Variants in ROBO2 observed in about 807,000 individuals in gnomAD.
ROBO2 encodes roundabout guidance receptor 2, also known as roundabout homolog 2.
A neutral mutation model predicts 160.8 loss-of-function variants in ROBO2; 53 were observed. That is an observed-to-expected ratio of 0.33 (90% CI 0.26 to 0.41). The LOEUF (loss-of-function observed/expected upper bound fraction) is 0.41. ROBO2 is among the 10% of genes least tolerant of loss of function. The pLI, the probability that ROBO2 is intolerant of heterozygous loss-of-function variation, is 1.00. For synonymous variants in ROBO2, 664 were observed against 611.7 expected, an observed-to-expected ratio of 1.09 and a Z score of -1.26; for missense variants, 1,577 against 1,722.4, an observed-to-expected ratio of 0.92 and a Z score of 1.49.
chr3:77,236,982 C>G (rs1376690448), intron 2 of ROBO2, among the ~76,000 whole-genome samples: 1 of 152,118 alleles, frequency 6.6e-6, no homozygotes, highest in Non-Finnish European at 1.5e-5. Flanking sequence ...CAAGCAATCC[C>G]CCAACTCCAG....
At chr3:77,318,756 A>C (rs2153429360) in intron 2 of ROBO2, among the ~76,000 whole-genome samples, 1 of 152,238 alleles carries the variant, frequency 6.6e-6, no homozygotes, top group African/African-American at 2.4e-5. Flanking sequence ...AGGATACAGT[A>C]ATTGCCCTGT....
intron 2 of ROBO2, among the ~76,000 whole-genome samples, chr3:76,236,425 T>G (rs1704947665): frequency 6.6e-6 from 1 of 152,082 alleles, no homozygotes; most frequent in Non-Finnish European, 1.5e-5. Flanking sequence ...ATCTTGAGGG[T>G]CAATTTTTAC....
intron 2 of ROBO2, among the ~76,000 whole-genome samples, chr3:76,059,628 T>G (rs1336420512): frequency 1.3e-5 from 2 of 152,216 alleles, no homozygotes; most frequent in African/African-American, 4.8e-5. Flanking sequence ...GTAGTTTCTT[T>G]TGCTGGGCAG....
chr3:76,745,113 A>T (rs181656095), intron 2 of ROBO2, among the ~76,000 whole-genome samples: 47 of 152,292 alleles, frequency 3.1e-4, no homozygotes, highest in African/African-American at 1.0e-3. Context: ...ATATTTGAGG[A>T]TTAATCTTTT....
intron 2 of ROBO2, among the ~76,000 whole-genome samples, chr3:75,993,919 C>A (rs1032170251): frequency 6.6e-6 from 1 of 152,166 alleles, no homozygotes; most frequent in South Asian, 2.1e-4. Flanking sequence ...ACATTAGGAG[C>A]GTGTATGCTG....
At chr3:76,314,244 C>T (rs1429077609) in intron 2 of ROBO2, among the ~76,000 whole-genome samples, 1 of 152,034 alleles carries the variant, frequency 6.6e-6, no homozygotes, top group Non-Finnish European at 1.5e-5. Flanking sequence ...GATAAACTCA[C>T]CAGAAATCTT....
chr3:77,408,175 T>A (rs1456156774), intron 2 of ROBO2, among the ~76,000 whole-genome samples: 1 of 152,162 alleles, frequency 6.6e-6, no homozygotes, highest in Non-Finnish European at 1.5e-5. Flanking sequence ...ATTCTAACTT[T>A]TAGATTTCAC....
chr3:77,559,774 A>G (rs935201610), intron 9 of ROBO2, among the ~76,000 whole-genome samples: 1 of 152,034 alleles, frequency 6.6e-6, no homozygotes, highest in Non-Finnish European at 1.5e-5. Flanking sequence ...ATGCACACAC[A>G]TGCACACATA....
intron 2 of ROBO2, among the ~76,000 whole-genome samples, chr3:76,249,780 T>C (rs543540647): frequency 7.4e-4 from 112 of 152,094 alleles, no homozygotes; most frequent in Non-Finnish European, 1.4e-3. Flanking sequence ...GAGGAATATT[T>C]GCAAAGATGG....
intron 2 of ROBO2, among the ~76,000 whole-genome samples, chr3:76,278,835 G>T (rs926552444): frequency 1.3e-5 from 2 of 151,790 alleles, no homozygotes; most frequent in African/African-American, 4.8e-5. Context: ...GAATGTGAAC[G>T]CCACTAGTCC....
At chr3:76,906,996 G>A (rs1486471886) in intron 2 of ROBO2, among the ~76,000 whole-genome samples, 1 of 152,014 alleles carries the variant, frequency 6.6e-6, no homozygotes. Flanking sequence ...TCTTCCTCCT[G>A]CTAGAATGCA....
At chr3:75,937,676 T>C (rs1947847379) in intron 2 of ROBO2, 1 of 953,852 alleles carries the variant, frequency 1.0e-6, no homozygotes, top group Non-Finnish European at 1.5e-6. Context: ...ATGTGAGTCT[T>C]TGGTTCGACG....
chr3:76,276,582 CT>C (rs1207738041), intron 2 of ROBO2, among the ~76,000 whole-genome samples: 4 of 151,992 alleles, frequency 2.6e-5, no homozygotes, highest in Non-Finnish European at 5.9e-5. Flanking sequence ...TTTAAAACTA[CT>C]TTTTATAAAT....
chr3:76,410,290 T>G (rs2075421383), intron 2 of ROBO2, among the ~76,000 whole-genome samples: 1 of 152,118 alleles, frequency 6.6e-6, no homozygotes, highest in Admixed American at 6.6e-5. Context: ...TAATCTATGT[T>G]ATACATGGAA....
At position 76,185,215 on chromosome 3, in the gene ROBO2, T is replaced by TATATAGATATATAGATATATATATAC; in HGVS notation, c.109+247614_109+247615insTATAGATATATAGATATATATATACA. Among the ~76,000 whole-genome samples, 8 of 90,290 alleles carry TATATAGATATATAGATATATATATAC rather than the reference T, an allele frequency of 8.9e-5. 2 individuals carry two copies. The highest frequency in any genetic ancestry group is 2.6e-4 in the African/African-American group (7 of 26,428). The allele number at this position is 90,290 out of a possible 152,430, so 59.2% of individuals were successfully genotyped here. ...ACACAGATATATATATATATATATA[T>TATATAGATATATAGATATATATATAC]ACACACACAAAGATGTTATATATAC... On this transcript the variant is annotated intron_variant, in intron 2 of 26. Coordinates refer to the ROBO2 transcript ENST00000487694.
At chr3:76,247,631 G>T (rs1008743501) in intron 2 of ROBO2, among the ~76,000 whole-genome samples, 1 of 152,010 alleles carries the variant, frequency 6.6e-6, no homozygotes, top group African/African-American at 2.4e-5. Context: ...TGCTTCATTT[G>T]CTGACTGCTC....
At chr3:77,404,325 T>A (rs114505855) in intron 2 of ROBO2, among the ~76,000 whole-genome samples, 2,018 of 152,290 alleles carry the variant, frequency 0.013, 46 homozygotes, top group African/African-American at 0.044. Context: ...AACAGATAAT[T>A]TCATGATTAC....
chr3:76,573,143 C>T (rs539223627), intron 2 of ROBO2, among the ~76,000 whole-genome samples: 6 of 152,092 alleles, frequency 3.9e-5, no homozygotes, highest in South Asian at 4.2e-4. Flanking sequence ...TTTTGTGTAG[C>T]GAAAAGGGCA....
At chr3:76,137,138 T>C (rs1356311192) in intron 2 of ROBO2, among the ~76,000 whole-genome samples, 2 of 152,042 alleles carry the variant, frequency 1.3e-5, no homozygotes, top group Admixed American at 1.3e-4. Flanking sequence ...TTATATTCTT[T>C]TGCCCCGAGA....
Sources: gnomAD v4.1 joint callset for allele counts (sites outside exome capture counted in the v4.1 genomes callset) on GRCh38, gnomAD v4.1.1 for gene constraint, MANE v1.5 for transcripts, NCBI Gene and HGNC (gene_info 2026-07-23, HGNC 2026-07-21) for gene names.